Variants in MYH10 observed in about 807,000 individuals in gnomAD.
The protein encoded by MYH10 is myosin heavy chain 10.
In MYH10, 55 loss-of-function variants were observed where a neutral mutation model predicts 257.8. The observed-to-expected ratio is 0.21, with a 90% CI of 0.17 to 0.27. The LOEUF (loss-of-function observed/expected upper bound fraction) is 0.27, where lower values mean the gene tolerates loss of function less well. Among genes scored for constraint, MYH10 ranks in the 10% least tolerant of loss-of-function variants. The pLI, the probability that MYH10 is intolerant of heterozygous loss-of-function variation, is 1.00. For missense variants in MYH10, 1,631 were observed against 2,500.6 expected, an observed-to-expected ratio of 0.65 and a Z score of 7.42; for synonymous variants, 854 against 921.7, an observed-to-expected ratio of 0.93 and a Z score of 1.33.
At position 8,487,577 on chromosome 17, in the gene MYH10, C is replaced by T. The variant is rs1183650460; in HGVS notation, c.4902G>A (p.Ala1634=). The change falls in exon 36 of 43, where the codon GCG becomes GCA. Residue 1634 remains alanine, a synonymous_variant. Coordinates refer to ENST00000360416, the MANE Select transcript of MYH10 (RefSeq NM_001256012.3). The stretch of plus-strand genomic sequence containing the variant: ...GCTGTTTCCTCTCATCCTCCAGCTC[C>T]GCCTCGAGCTCCCGCACCTAATGGA... ...LLIKQVRELE[A]ELEDERKQRA... is the part of the protein sequence containing the mutation. 1.1e-5 allele frequency: 18 copies of T among 1,614,040 alleles called. No individual in the cohort carries two copies. Among genetic ancestry groups the T allele is most frequent in the Middle Eastern group, 1.6e-4 (1 of 6,084 alleles).
At chr17:8,548,034 T>G (rs1176582088) in intron 11 of MYH10, among the ~76,000 whole-genome samples, 1 of 151,982 alleles carries the variant, frequency 6.6e-6, no homozygotes, top group Non-Finnish European at 1.5e-5. Context: ...CCCTCTCAGG[T>G]AAGTGTGTGA....
intron 2 of MYH10, among the ~76,000 whole-genome samples, chr17:8,608,107 A>G (rs1045763779): frequency 1.3e-5 from 2 of 152,206 alleles, no homozygotes; most frequent in Non-Finnish European, 2.9e-5. Context: ...GTACCATGGA[A>G]TGTGAGCGAC....
intron 4 of MYH10, among the ~76,000 whole-genome samples, chr17:8,577,808 G>C (rs565206251): frequency 6.6e-6 from 1 of 151,988 alleles, no homozygotes; most frequent in Non-Finnish European, 1.5e-5. Context: ...CTGGGATTAC[G>C]GGCCTGAGCC....
chr17:8,587,975 C>A, intron 4 of MYH10, among the ~76,000 whole-genome samples: 1 of 152,046 alleles, frequency 6.6e-6, no homozygotes, highest in East Asian at 1.9e-4. Flanking sequence ...CCAGTGGGCA[C>A]GCTGCTGCTC....
chr17:8,546,314 C>T (rs1369408546), intron 12 of MYH10, among the ~76,000 whole-genome samples: 1 of 152,078 alleles, frequency 6.6e-6, no homozygotes, highest in African/African-American at 2.4e-5. Flanking sequence ...CCACCTCAGC[C>T]TCCCAAAGTG....
At chr17:8,585,286 G>GCATATATATATATATATATA (rs2083866097) in intron 4 of MYH10, among the ~76,000 whole-genome samples, 1 of 84,606 alleles carries the variant, frequency 1.2e-5, no homozygotes, top group Non-Finnish European at 2.3e-5. Flanking sequence ...ATGTGTGTGT[G>GCATATATATATATATATATA]TGTATATATA....
chr17:8,516,934 C>G (rs1364262898), intron 21 of MYH10, among the ~76,000 whole-genome samples: 1 of 151,930 alleles, frequency 6.6e-6, no homozygotes, highest in Non-Finnish European at 1.5e-5. Flanking sequence ...GTCAGGAGAT[C>G]GAGACCATCC....
At chr17:8,585,286 G>GTATATATATATAA (rs71361807) in intron 4 of MYH10, among the ~76,000 whole-genome samples, 1 of 84,606 alleles carries the variant, frequency 1.2e-5, no homozygotes, top group Non-Finnish European at 2.3e-5. Context: ...ATGTGTGTGT[G>GTATATATATATAA]TGTATATATA....
At chr17:8,604,770 C>A in intron 3 of MYH10, 56 bp downstream of exon 3, 1 of 1,252,190 alleles carries the variant, frequency 8.0e-7, no homozygotes. Flanking sequence ...CATTAAAAAA[C>A]AGTAAATTAC....
chr17:8,515,224 T>A (rs1301857590), intron 21 of MYH10, among the ~76,000 whole-genome samples: 2 of 152,210 alleles, frequency 1.3e-5, no homozygotes, highest in East Asian at 3.8e-4. Context: ...AGGACTCTCC[T>A]GGGAAAGAGA....
In MYH10 at chr17:8,518,776, A is replaced by G. The variant is rs890965230; in HGVS notation, c.2359T>C (p.Leu787=). Residue 787 remains leucine (L), a synonymous_variant, in exon 21 of 43, where the codon TTG becomes CTG. Transcript: ENST00000360416. ...CCAATTCTGTACAAGTTTGGGTCCA[A>G]TTCTAAAGCCCGGATCTAAGAGAGA... ...ACERMIRALE[L]DPNLYRIGQS... 1 of 1,612,986 alleles carries G rather than the reference A, an allele frequency of 6.2e-7. No individual in the cohort carries two copies. The highest frequency in any genetic ancestry group is 2.2e-5 in the East Asian group (1 of 44,884).
chr17:8,478,237 A>G, intron 41 of MYH10, 101 bp downstream of exon 41: 2 of 1,007,268 alleles, frequency 2.0e-6, no homozygotes, highest in Non-Finnish European at 3.1e-6. Flanking sequence ...AAACATCAGA[A>G]TCGGGAGGGC....
intron 9 of MYH10, among the ~76,000 whole-genome samples, chr17:8,549,935 C>T (rs2082569275): frequency 6.6e-6 from 1 of 151,262 alleles, no homozygotes; most frequent in Non-Finnish European, 1.5e-5. Context: ...AGTGATCCGC[C>T]AGCCTCGGCC....
chr17:8,561,100 C>T lies in MYH10; in HGVS notation c.757-7082G>A, dbSNP rs1279437574. On this transcript the variant is annotated intron_variant, in intron 7 of 42. Coordinates refer to ENST00000360416, the MANE Select transcript of MYH10 (RefSeq NM_001256012.3). ...TGCAGTTCTTTGGTTTCCTTATTCC[C>T]CTCGACATCAAGCTGGATTGTAGTT... The T allele has an allele frequency of 2.0e-5, 12 of 601,868 alleles. No individual in the cohort carries two copies. The Admixed American group carries it at 2.9e-4, about 15-fold the overall frequency. The allele number at this position is 601,868 out of a possible 1,614,324, so 37.3% of individuals were successfully genotyped here.
intron 6 of MYH10, among the ~76,000 whole-genome samples, chr17:8,574,071 T>C (rs1021168985): frequency 6.6e-6 from 1 of 152,210 alleles, no homozygotes; most frequent in Admixed American, 6.5e-5. Context: ...TCACCATAAC[T>C]TGTACATGAG....
At chr17:8,525,873 A>G (rs1026249735) in intron 17 of MYH10, among the ~76,000 whole-genome samples, 1 of 151,908 alleles carries the variant, frequency 6.6e-6, no homozygotes, top group East Asian at 1.9e-4. Flanking sequence ...GCTCAGAGCA[A>G]CCTCCGCCTC....
rs532855125 is a variant in MYH10 at position 8,619,904 on chromosome 17, G to A, written c.345+2998C>T. ...CGCACCACTACACTCCAGCCTGGGC[G>A]ACAGAGCAAGACTCTGTCCCAAAAA... On this transcript the variant is annotated intron_variant, in intron 2 of 42. Coordinates refer to ENST00000360416, the MANE Select transcript of MYH10 (RefSeq NM_001256012.3). Among the ~76,000 whole-genome samples the A allele has an allele frequency of 9.2e-5, 14 of 152,124 alleles. No homozygotes were observed. In the East Asian group the frequency reaches 1.2e-3, roughly 13 times the overall value.
At chr17:8,570,276 A>G (rs947209612) in intron 6 of MYH10, among the ~76,000 whole-genome samples, 8 of 152,226 alleles carry the variant, frequency 5.3e-5, no homozygotes, top group African/African-American at 1.9e-4. Flanking sequence ...GGAGTTTCAT[A>G]TACTATCTCT....
rs559326996 is a variant in MYH10, at chr17:8,569,955, T to C, written c.664-143A>G. The C allele has an allele frequency of 3.2e-4, 189 of 591,938 alleles. 2 individuals carry two copies. The highest frequency in any genetic ancestry group is 2.9e-3 in the African/African-American group (155 of 53,046). The allele number at this position is 591,938 out of a possible 1,614,324, so 36.7% of individuals were successfully genotyped here. The stretch of plus-strand genomic sequence containing the variant: ...CATTCTGTCTGCCATCCAGCAACTT[T>C]TGTTGGCTTCTTAATCCTGGTTATG... On this transcript the variant is annotated intron_variant, in intron 6 of 42. Transcript: ENST00000360416. The surrounding 1 kb of genome is among the most constrained non-coding windows in gnomAD (Gnocchi z 4.1).
Sources: gnomAD v4.1 joint callset for allele counts (sites outside exome capture counted in the v4.1 genomes callset) on GRCh38, gnomAD v4.1.1 for gene constraint, Gnocchi (gnomAD v3.1) non-coding constraint, MANE v1.5 for transcripts, NCBI Gene and HGNC (gene_info 2026-07-23, HGNC 2026-07-21) for gene names.